The following TMEM182 variants were observed in gnomAD, a reference collection of about 807,000 sequenced individuals.
TMEM182 encodes transmembrane protein 182.
Under a neutral mutation model 26.8 loss-of-function variants are expected in TMEM182, and 20 were observed. That is an observed-to-expected ratio of 0.75 (90% CI 0.53 to 1.09). The LOEUF (loss-of-function observed/expected upper bound fraction) is 1.09, where lower values mean the gene tolerates loss of function less well. Among genes scored for constraint, TMEM182 ranks in the 50% least tolerant of loss-of-function variants. The probability of loss-of-function intolerance (pLI) is 0.00; values close to 1 mark genes in which losing one functional copy is unlikely to be tolerated. For synonymous variants in TMEM182, 109 were observed against 102.2 expected, an observed-to-expected ratio of 1.07 and a Z score of -0.40; for missense variants, 277 against 275.5, an observed-to-expected ratio of 1.01 and a Z score of -0.04.
chr2:102,802,443 G>A (rs1682183235), intron 4 of TMEM182, among the ~76,000 whole-genome samples: 2 of 152,148 alleles, frequency 1.3e-5, no homozygotes, highest in African/African-American at 2.4e-5. Context: ...AGTCAGTTCT[G>A]GGCAAAGTGT....
chr2:102,842,350 T>C (rs1424490001), intron 3 of TMEM182, among the ~76,000 whole-genome samples: 1 of 152,236 alleles, frequency 6.6e-6, no homozygotes, highest in Non-Finnish European at 1.5e-5. Context: ...CTATCTTCCG[T>C]ATCTAAACAG....
At chr2:102,746,236 G>T (rs527429334) in intron 1 of TMEM182, among the ~76,000 whole-genome samples, 1 of 152,064 alleles carries the variant, frequency 6.6e-6, no homozygotes, top group Non-Finnish European at 1.5e-5. Flanking sequence ...TGTATATCTT[G>T]TTGGGAGAAA....
chr2:102,775,434 A>G (rs1680871888), intron 3 of TMEM182: 1 of 152,322 alleles, frequency 6.6e-6, no homozygotes, highest in East Asian at 1.9e-4. Flanking sequence ...CCAATATCAT[A>G]CTGAATGGGC....
At chr2:102,768,790 A>G (rs993388687) in intron 3 of TMEM182, among the ~76,000 whole-genome samples, 4 of 151,762 alleles carry the variant, frequency 2.6e-5, no homozygotes, top group African/African-American at 9.7e-5. Context: ...TTTATTGTCA[A>G]TGTTTATTTA....
At chr2:102,785,423 T>C (rs1193182452) in intron 3 of TMEM182, among the ~76,000 whole-genome samples, 1 of 152,224 alleles carries the variant, frequency 6.6e-6, no homozygotes, top group African/African-American at 2.4e-5. Flanking sequence ...ACGATAGCCA[T>C]CTAATTGTAT....
chr2:102,808,493 A>T (rs1225524745), intron 4 of TMEM182, among the ~76,000 whole-genome samples: 3 of 152,208 alleles, frequency 2.0e-5, no homozygotes, highest in Non-Finnish European at 4.4e-5. Flanking sequence ...AGCATCGATA[A>T]GTTCCAGTGC....
intron 3 of TMEM182, among the ~76,000 whole-genome samples, chr2:102,780,661 G>A (rs1177488243): frequency 1.3e-5 from 2 of 152,160 alleles, no homozygotes; most frequent in Admixed American, 1.3e-4. Context: ...ACCCTGCAGG[G>A]ATGAAAGTCC....
chr2:102,797,246 G>T (rs1256543847), intron 3 of TMEM182, among the ~76,000 whole-genome samples: 1 of 152,160 alleles, frequency 6.6e-6, no homozygotes, highest in Non-Finnish European at 1.5e-5. Context: ...TATCAGATTT[G>T]CTTGGAAAGC....
rs780359181 is a variant in TMEM182, at chr2:102,815,008, A to T, written c.*40A>T. On this transcript the variant is annotated 3_prime_UTR_variant, in exon 5 of 5. Transcript: ENST00000412401. ...CAAGTATTTTCTTGAGAGATTTTAAAACAAGGAATACTTTTTTTCCATTTT... is the reference window on the plus strand; with the variant it reads ...CAAGTATTTTCTTGAGAGATTTTAATACAAGGAATACTTTTTTTCCATTTT... 2 of 1,606,076 alleles carry T rather than the reference A, an allele frequency of 1.2e-6. No homozygotes were observed. Among genetic ancestry groups the T allele is most frequent in the Admixed American group, 3.4e-5 (2 of 58,904 alleles).
At chr2:102,819,160 A>T (rs1182526006), downstream of TMEM182, among the ~76,000 whole-genome samples, 1 of 152,178 alleles carries the variant, frequency 6.6e-6, no homozygotes, top group Non-Finnish European at 1.5e-5. Flanking sequence ...TTCTTTTCTT[A>T]GCATTTTTCC....
chr2:102,834,933 G>A (rs575790240), intron 3 of TMEM182, among the ~76,000 whole-genome samples: 2 of 152,208 alleles, frequency 1.3e-5, no homozygotes, highest in South Asian at 2.1e-4. Flanking sequence ...TTCACCTGAG[G>A]TGTTATTTAT....
At chr2:102,779,106 T>G (rs943922573) in intron 3 of TMEM182, among the ~76,000 whole-genome samples, 5 of 152,156 alleles carry the variant, frequency 3.3e-5, no homozygotes, top group African/African-American at 1.2e-4. Context: ...AATTTTGGGG[T>G]TAACAATTTT....
intron 1 of TMEM182, among the ~76,000 whole-genome samples, chr2:102,753,003 A>C (rs1395504252): frequency 6.6e-6 from 1 of 152,270 alleles, no homozygotes. Context: ...AATTGAAATT[A>C]CAATAGTTTA....
chr2:102,818,053 C>G (rs905554589), downstream of TMEM182, among the ~76,000 whole-genome samples: 1 of 152,080 alleles, frequency 6.6e-6, no homozygotes, highest in Non-Finnish European at 1.5e-5. Flanking sequence ...GTAAAATTGG[C>G]TGGATATGTC....
intron 4 of TMEM182, among the ~76,000 whole-genome samples, chr2:102,804,214 A>G (rs1682262969): frequency 6.6e-6 from 1 of 151,872 alleles, no homozygotes; most frequent in Non-Finnish European, 1.5e-5. Flanking sequence ...TGGTTACATG[A>G]GTAAATTCTT....
downstream of TMEM182, among the ~76,000 whole-genome samples, chr2:102,821,474 C>T (rs1682914162): frequency 6.6e-6 from 1 of 152,170 alleles, no homozygotes; most frequent in Non-Finnish European, 1.5e-5. Flanking sequence ...TGTGACATGC[C>T]TGCTCCCTCT....
At chr2:102,813,410 C>A (rs921546964) in intron 4 of TMEM182, among the ~76,000 whole-genome samples, 3 of 152,246 alleles carry the variant, frequency 2.0e-5, no homozygotes, top group African/African-American at 4.8e-5. Flanking sequence ...AGCTTTCAGA[C>A]ATTCTAGCAA....
chr2:102,797,894 C>G lies in TMEM182; in HGVS notation c.363C>G (p.Leu121=), dbSNP rs1190508479. 1 of 1,613,998 alleles carries G rather than the reference C, an allele frequency of 6.2e-7. No homozygotes were observed. The stretch of plus-strand genomic sequence containing the variant: ...GTGGTTTCTGGGCAGTCCTGATGCT[C>G]CTGGGGGTAGTTGCTGTAGTCATCG... ...IYRGFWAVLM[L]LGVVAVVIAS... Residue 121 remains leucine, a synonymous_variant, in exon 4 of 5, where the codon CTC becomes CTG. Transcript: ENST00000412401.
At chr2:102,774,957 T>C (rs577618878) in intron 3 of TMEM182, among the ~76,000 whole-genome samples, 1 of 152,344 alleles carries the variant, frequency 6.6e-6, no homozygotes, top group East Asian at 1.9e-4. Flanking sequence ...TTTAAATATT[T>C]AGTCTAGATT....
Sources: gnomAD v4.1 joint callset for allele counts (sites outside exome capture counted in the v4.1 genomes callset) on GRCh38, gnomAD v4.1.1 for gene constraint, MANE v1.5 for transcripts, NCBI Gene and HGNC (gene_info 2026-07-23, HGNC 2026-07-21) for gene names.